DHRSX: variants seen among roughly 807,000 people sequenced by gnomAD.
DHRSX encodes dehydrogenase/reductase X-linked.
A neutral mutation model predicts 34.0 loss-of-function variants in DHRSX; 31 were observed. The ratio of observed to expected loss-of-function variants is 0.91; its 90% CI spans 0.69 to 1.23. The LOEUF (loss-of-function observed/expected upper bound fraction) is 1.23, where lower values mean the gene tolerates loss of function less well. Ranked by LOEUF, DHRSX falls within the 50% of genes most tolerant of loss-of-function variation. The pLI, the probability that DHRSX is intolerant of heterozygous loss-of-function variation, is 0.00. For synonymous variants in DHRSX, 201 were observed against 183.8 expected, an observed-to-expected ratio of 1.09 and a Z score of -0.76; for missense variants, 414 against 428.1, an observed-to-expected ratio of 0.97 and a Z score of 0.29.
At chrX:2,238,543 T>TC (rs1328618649) in intron 6 of DHRSX, among the ~76,000 whole-genome samples, 2 of 151,570 alleles carry the variant, frequency 1.3e-5, no homozygotes, top group African/African-American at 4.8e-5. Flanking sequence ...ACACAGATTC[T>TC]CCCCAGGGAC....
intron 5 of DHRSX, 125 bp from the exon 6 acceptor site, chrX:2,243,355 G>T: frequency 1.4e-6 from 1 of 736,010 alleles, no homozygotes; most frequent in Non-Finnish European, 2.2e-6. Context: ...CTAGACCCAT[G>T]TGTGATCATG....
intron 3 of DHRSX, among the ~76,000 whole-genome samples, chrX:2,377,798 G>A (rs1295941130): frequency 6.6e-6 from 1 of 151,562 alleles, no homozygotes; most frequent in Admixed American, 6.6e-5. Context: ...GAGTGCAGTG[G>A]CATGATCTCA....
At chrX:2,229,686 T>C (rs1268159468) in intron 6 of DHRSX, among the ~76,000 whole-genome samples, 1 of 152,172 alleles carries the variant, frequency 6.6e-6, no homozygotes, top group African/African-American at 2.4e-5. Context: ...TATGTGCACG[T>C]GCATGAATGC....
chrX:2,273,306 C>T (rs747622993), intron 4 of DHRSX, among the ~76,000 whole-genome samples: 8 of 152,292 alleles, frequency 5.3e-5, no homozygotes, highest in Admixed American at 5.2e-4. Flanking sequence ...ACGGAATCAA[C>T]CTAAGTACCC....
intron 4 of DHRSX, among the ~76,000 whole-genome samples, chrX:2,284,006 A>C (rs2041770579): frequency 6.6e-6 from 1 of 151,706 alleles, no homozygotes; most frequent in South Asian, 2.1e-4. Flanking sequence ...GAATTCATTC[A>C]TTCATTCCTC....
chrX:2,250,389 T>C (rs544532866), intron 5 of DHRSX, among the ~76,000 whole-genome samples: 15 of 152,174 alleles, frequency 9.9e-5, no homozygotes, highest in African/African-American at 3.6e-4. Context: ...GAATAAAGAA[T>C]GTGTACTCCA....
chrX:2,360,132 T>C (rs1226465475), intron 3 of DHRSX, among the ~76,000 whole-genome samples: 2 of 152,086 alleles, frequency 1.3e-5, no homozygotes, highest in Admixed American at 6.6e-5. Context: ...GTTGGGGTGA[T>C]GAGGCATGAA....
Position 2,376,129 on chromosome X carries a change from A to C in DHRSX, c.286+32616T>G, listed in dbSNP as rs2043137784. Among the ~76,000 whole-genome samples, 2 of 137,358 alleles carry C rather than the reference A, an allele frequency of 1.5e-5. 1 individual carries two copies. The highest frequency in any genetic ancestry group is 1.5e-4 in the Admixed American group (2 of 13,736). 90.1% of individuals were successfully genotyped at this position (137,358 alleles called of 152,430 possible). ...GCTGCCTGCATTGCAGGTGCCTCTG[A>C]CTCAGGAGGAAACGCAGAATTTGGC... On this transcript the variant is annotated intron_variant, in intron 3 of 6. Transcript: ENST00000334651.
chrX:2,357,171 G>A (rs2042865561), intron 3 of DHRSX, among the ~76,000 whole-genome samples: 1 of 152,118 alleles, frequency 6.6e-6, no homozygotes, highest in Admixed American at 6.6e-5. Context: ...TTGAACCCAG[G>A]AGGCGGAGAT....
intron 3 of DHRSX, among the ~76,000 whole-genome samples, chrX:2,304,108 GATGGATGGATGGATAA>G (rs1569485836): frequency 8.3e-5 from 10 of 120,954 alleles, no homozygotes; most frequent in South Asian, 5.8e-4. Flanking sequence ...TGGATGGATA[GATGGATGGATGGATAA>G]ATGGATGGAT....
chrX:2,318,350 CAA>C (rs774165774), intron 3 of DHRSX, among the ~76,000 whole-genome samples: 10 of 136,942 alleles, frequency 7.3e-5, no homozygotes, highest in East Asian at 4.2e-4. Flanking sequence ...AACCCAATCT[CAA>C]AAAAAAAAAA....
At chrX:2,314,748 T>C (rs1259778642) in intron 3 of DHRSX, among the ~76,000 whole-genome samples, 2 of 152,046 alleles carry the variant, frequency 1.3e-5, no homozygotes, top group South Asian at 2.1e-4. Flanking sequence ...ACCCTTTAGA[T>C]AGGAATTTGG....
chrX:2,471,187 T>G (rs1279140098), intron 1 of DHRSX, among the ~76,000 whole-genome samples: 1 of 152,098 alleles, frequency 6.6e-6, no homozygotes, highest in East Asian at 1.9e-4. Context: ...TATTTAACAG[T>G]GTTTCCTCTT....
chrX:2,395,286 A>G (rs1350574646), intron 3 of DHRSX, among the ~76,000 whole-genome samples: 1 of 152,078 alleles, frequency 6.6e-6, no homozygotes, highest in Non-Finnish European at 1.5e-5. Context: ...GCCCGTGTGA[A>G]GCAGGAGGGT....
chrX:2,445,920 G>T (rs2044126670), intron 1 of DHRSX, among the ~76,000 whole-genome samples: 2 of 151,670 alleles, frequency 1.3e-5, no homozygotes. Flanking sequence ...GTGGCCAAGG[G>T]ACCGACGCCA....
At chrX:2,222,041 T>C (rs2015532785) in intron 6 of DHRSX, among the ~76,000 whole-genome samples, 1 of 152,124 alleles carries the variant, frequency 6.6e-6, no homozygotes. Flanking sequence ...GGTGAACGTA[T>C]CCACCATGTG....
At chrX:2,273,566 G>C (rs1287039992) in intron 4 of DHRSX, among the ~76,000 whole-genome samples, 1 of 152,202 alleles carries the variant, frequency 6.6e-6, no homozygotes, top group Non-Finnish European at 1.5e-5. Flanking sequence ...GGGGCTGTGA[G>C]TGAACCTGTC....
At chrX:2,292,943 A>AT (rs1282802885) in intron 3 of DHRSX, among the ~76,000 whole-genome samples, 1 of 152,238 alleles carries the variant, frequency 6.6e-6, no homozygotes. Flanking sequence ...AAAGCATTTT[A>AT]TTTTTTATTA....
At position 2,475,715 on chromosome X, in the gene DHRSX, T is replaced by A. The variant is rs141620836; in HGVS notation, c.109+25102A>T. On this transcript the variant is annotated intron_variant, in intron 1 of 6. Coordinates refer to ENST00000334651, the MANE Select transcript of DHRSX (RefSeq NM_145177.3). Reference sequence around the variant, plus strand: ...TAAGGGACCGCCGCCATGTACACACTGAAGATGTTCCCTAAGAATGTGGCC... The same window carrying A: ...TAAGGGACCGCCGCCATGTACACACAGAAGATGTTCCCTAAGAATGTGGCC... Among the ~76,000 whole-genome samples, 231 of 152,282 alleles carry A rather than the reference T, an allele frequency of 1.5e-3. 2 individuals carry two copies. The highest frequency in any genetic ancestry group is 5.4e-3 in the African/African-American group (223 of 41,564).
Sources: gnomAD v4.1 joint callset for allele counts (sites outside exome capture counted in the v4.1 genomes callset) on GRCh38, gnomAD v4.1.1 for gene constraint, MANE v1.5 for transcripts, NCBI Gene and HGNC (gene_info 2026-07-23, HGNC 2026-07-21) for gene names.